MYT1L: variants seen among roughly 807,000 people sequenced by gnomAD.
MYT1L encodes myelin transcription factor 1 like.
In MYT1L, 12 loss-of-function variants were observed where a neutral mutation model predicts 126.7. That is an observed-to-expected ratio of 0.09 (90% CI 0.06 to 0.15). MYT1L has a LOEUF of 0.15. MYT1L is among the 10% of genes least tolerant of loss of function. MYT1L has a pLI of 1.00. For missense variants in MYT1L, 979 were observed against 1,585.2 expected, an observed-to-expected ratio of 0.62 and a Z score of 6.49; for synonymous variants, 541 against 604.2, an observed-to-expected ratio of 0.90 and a Z score of 1.53.
At chr2:2,030,585 T>C (rs994806390) in intron 4 of MYT1L, among the ~76,000 whole-genome samples, 1 of 152,244 alleles carries the variant, frequency 6.6e-6, no homozygotes. Flanking sequence ...TTCATTATAA[T>C]TTAAACATGT....
At chr2:1,908,919 G>T (rs2051494588) in intron 13 of MYT1L, among the ~76,000 whole-genome samples, 1 of 152,070 alleles carries the variant, frequency 6.6e-6, no homozygotes, top group Admixed American at 6.6e-5. Context: ...GTCATAGATG[G>T]CTTTGTTTTC....
intron 2 of MYT1L, among the ~76,000 whole-genome samples, chr2:2,273,218 G>A (rs551567062): frequency 2.0e-4 from 30 of 152,224 alleles, no homozygotes; most frequent in Middle Eastern, 3.4e-3. Context: ...AGGACCTTTC[G>A]GCCCTGGTCC....
At chr2:2,030,658 T>C (rs2066132143) in intron 4 of MYT1L, among the ~76,000 whole-genome samples, 2 of 152,218 alleles carry the variant, frequency 1.3e-5, no homozygotes, top group African/African-American at 4.8e-5. Context: ...ATGTATATCC[T>C]TACAAATTAT....
intron 11 of MYT1L, among the ~76,000 whole-genome samples, chr2:1,915,534 T>A (rs572702036): frequency 1.3e-5 from 2 of 152,282 alleles, no homozygotes; most frequent in South Asian, 4.1e-4. Context: ...AAGGTGAAAA[T>A]GTAGGTCTTA....
At chr2:2,026,022 C>G (rs2065517048) in intron 4 of MYT1L, among the ~76,000 whole-genome samples, 1 of 152,196 alleles carries the variant, frequency 6.6e-6, no homozygotes, top group South Asian at 2.1e-4. Context: ...CAGGGCCAGC[C>G]CTGGCTGCCT....
intron 2 of MYT1L, among the ~76,000 whole-genome samples, chr2:2,189,944 G>A (rs778294451): frequency 6.6e-6 from 1 of 151,800 alleles, no homozygotes; most frequent in South Asian, 2.1e-4. Context: ...GCGCCTTCTC[G>A]GGACCACACA....
At chr2:2,131,255 C>T (rs1258703277) in intron 3 of MYT1L, among the ~76,000 whole-genome samples, 1 of 152,160 alleles carries the variant, frequency 6.6e-6, no homozygotes, top group Non-Finnish European at 1.5e-5. Context: ...TTAGGATGCA[C>T]ATTACTTAGG....
chr2:1,862,860 CAAG>C (rs1415841889), intron 18 of MYT1L, among the ~76,000 whole-genome samples: 1 of 151,898 alleles, frequency 6.6e-6, no homozygotes, highest in Admixed American at 6.6e-5. Context: ...GAGGGAAAAT[CAAG>C]AAGGAGAGAG....
chr2:1,866,891 A>G (rs2045635435), intron 18 of MYT1L, among the ~76,000 whole-genome samples: 2 of 128,170 alleles, frequency 1.6e-5, no homozygotes. Context: ...AGAGAGAGGG[A>G]AAGGGTGAGA....
chr2:1,823,666 G>C (rs2038889063), intron 21 of MYT1L, among the ~76,000 whole-genome samples: 1 of 150,476 alleles, frequency 6.6e-6, no homozygotes, highest in South Asian at 2.1e-4. Context: ...CGATGAGGCT[G>C]AGTGCCTGTA....
rs1005808256 is a variant in MYT1L at position 1,884,177 on chromosome 2, T to C, written c.2711+2362A>G. On this transcript the variant is annotated intron_variant, in intron 18 of 24. Coordinates refer to ENST00000647738, the MANE Select transcript of MYT1L (RefSeq NM_001303052.2). ...AGTTCCATTTGTTAGCTGACATGTA[T>C]TGTAGAGAATAATTTTGGGGGTAAT... 2.6e-5 allele frequency: 4 copies of C among 152,300 alleles called. No individual in the cohort carries two copies. The East Asian group carries it at 5.8e-4, about 22-fold the overall frequency. 9.4% of individuals were successfully genotyped at this position (152,300 alleles called of 1,614,324 possible). A position where few individuals can be genotyped will look rare whatever the true frequency, so the allele number is the denominator to read the frequency against.
At chr2:2,078,204 CAAAGGAACTAA>C (rs2075424289) in intron 3 of MYT1L, among the ~76,000 whole-genome samples, 1 of 151,792 alleles carries the variant, frequency 6.6e-6, no homozygotes, top group South Asian at 2.1e-4. Context: ...AAAGAAACAA[CAAAGGAACTAA>C]AAGGTTATAC....
At chr2:1,814,179 C>A (rs1471313221) in intron 21 of MYT1L, among the ~76,000 whole-genome samples, 1 of 152,144 alleles carries the variant, frequency 6.6e-6, no homozygotes, top group Non-Finnish European at 1.5e-5. Flanking sequence ...CCCAGGCCAG[C>A]GATCTTCTCT....
At chr2:2,295,575 G>T (rs151228990) in intron 1 of MYT1L, among the ~76,000 whole-genome samples, 7 of 139,448 alleles carry the variant, frequency 5.0e-5, no homozygotes, top group African/African-American at 1.8e-4. Flanking sequence ...CAGAGAGAGA[G>T]AGAGAGAGAC....
At chr2:1,854,835 C>G (rs941713681) in intron 18 of MYT1L, among the ~76,000 whole-genome samples, 1 of 152,168 alleles carries the variant, frequency 6.6e-6, no homozygotes, top group African/African-American at 2.4e-5. Context: ...CTTGAGACGC[C>G]TCTCCACCCG....
At chr2:2,136,352 C>A (rs1454193345) in intron 3 of MYT1L, among the ~76,000 whole-genome samples, 2 of 152,146 alleles carry the variant, frequency 1.3e-5, no homozygotes, top group East Asian at 3.8e-4. Context: ...TTAAATTCTT[C>A]CGCTCCTCAC....
rs778820801 is a variant in MYT1L at position 2,330,948 on chromosome 2, C to T, written c.-521+19G>A. 2 of 152,122 alleles carry T rather than the reference C, an allele frequency of 1.3e-5. No individual in the cohort carries two copies. Among genetic ancestry groups the T allele is most frequent in the Non-Finnish European group, 2.9e-5 (2 of 68,044 alleles). 9.4% of individuals were successfully genotyped at this position (152,122 alleles called of 1,614,324 possible). A position where few individuals can be genotyped will look rare whatever the true frequency, so the allele number is the denominator to read the frequency against. On this transcript the variant is annotated intron_variant, in intron 1 of 24. Transcript: ENST00000647738. ...CTCACTAAGTTCCCCGAAAAATTAA[C>T]CTAACGAACATCACGTACCTCACAA...
At chr2:2,077,362 G>A (rs1318733612) in intron 3 of MYT1L, among the ~76,000 whole-genome samples, 1 of 152,092 alleles carries the variant, frequency 6.6e-6, no homozygotes, top group Non-Finnish European at 1.5e-5. Context: ...ATTCAATGTA[G>A]AATATACATA....
chr2:1,946,716 C>T (rs1573858147), intron 8 of MYT1L, among the ~76,000 whole-genome samples: 1 of 152,140 alleles, frequency 6.6e-6, no homozygotes, highest in African/African-American at 2.4e-5. Flanking sequence ...CATAACATTT[C>T]AAATATGAAA....
Sources: gnomAD v4.1 joint callset for allele counts (sites outside exome capture counted in the v4.1 genomes callset) on GRCh38, gnomAD v4.1.1 for gene constraint, MANE v1.5 for transcripts, NCBI Gene and HGNC (gene_info 2026-07-23, HGNC 2026-07-21) for gene names.